Variants in POU2F1 observed in about 807,000 individuals in gnomAD.
POU2F1 encodes POU domain, class 2, transcription factor 1.
A neutral mutation model predicts 84.9 loss-of-function variants in POU2F1; 16 were observed. The ratio of observed to expected loss-of-function variants is 0.19; its 90% CI spans 0.13 to 0.29. The LOEUF is 0.29. Ranked by LOEUF, POU2F1 falls within the 10% of genes least tolerant of loss-of-function variation. The pLI, the probability that POU2F1 is intolerant of heterozygous loss-of-function variation, is 1.00. For missense variants in POU2F1, 738 were observed against 942.6 expected, an observed-to-expected ratio of 0.78 and a Z score of 2.84; for synonymous variants, 368 against 368.3, an observed-to-expected ratio of 1.00 and a Z score of 0.01.
intron 1 of POU2F1, among the ~76,000 whole-genome samples, chr1:167,225,891 A>T (rs1324811998): frequency 6.6e-6 from 1 of 152,226 alleles, no homozygotes; most frequent in Non-Finnish European, 1.5e-5. Context: ...TTCAAGCACC[A>T]TTAAAAATAA....
intron 2 of POU2F1, among the ~76,000 whole-genome samples, chr1:167,364,581 C>CT (rs745794975): frequency 0.024 from 2,937 of 120,768 alleles, 125 homozygotes; most frequent in African/African-American, 0.079. Flanking sequence ...TTCTTTCTTT[C>CT]TTTTTTTTTT....
intron 1 of POU2F1, among the ~76,000 whole-genome samples, chr1:167,278,680 C>T (rs554998650): frequency 3.8e-4 from 58 of 152,240 alleles, no homozygotes; most frequent in Non-Finnish European, 7.6e-4. Context: ...TTTTACCTGT[C>T]CTGACAAGTC....
At chr1:167,354,228 A>G (rs1234119888) in intron 2 of POU2F1, among the ~76,000 whole-genome samples, 1 of 152,208 alleles carries the variant, frequency 6.6e-6, no homozygotes, top group Admixed American at 6.5e-5. Flanking sequence ...ATGGCTATAA[A>G]TGACTTTGTA....
intron 8 of POU2F1, 21 bp from the exon 9 acceptor site, chr1:167,389,567 G>A: frequency 6.2e-7 from 1 of 1,613,486 alleles, no homozygotes; most frequent in African/African-American, 1.3e-5. Flanking sequence ...TTTCCTCATT[G>A]TTTTATTCTT....
chr1:167,426,655 T>C lies in POU2F1; in HGVS notation c.*10845T>C, dbSNP rs1650969930. ...TTAATTCAGGGGTGTTTGTCCACTGTTGTCAAAGGAGGGGCACAAGGGGAA... is the reference window on the plus strand; with the variant it reads ...TTAATTCAGGGGTGTTTGTCCACTGCTGTCAAAGGAGGGGCACAAGGGGAA... On this transcript the variant is annotated 3_prime_UTR_variant, in exon 16 of 16. Coordinates refer to ENST00000367866, the MANE Select transcript of POU2F1 (RefSeq NM_002697.4). 1 of 152,206 alleles carries C rather than the reference T, an allele frequency of 6.6e-6. No homozygotes were observed. Among genetic ancestry groups the C allele is most frequent in the South Asian group, 2.1e-4 (1 of 4,828 alleles). 9.4% of individuals were successfully genotyped at this position (152,206 alleles called of 1,614,324 possible).
Position 167,419,487 on chromosome 1 carries a change from C to G in POU2F1, c.*3677C>G, listed in dbSNP as rs1273728652. ...AGTGGTGAATGTAATTGTGTGAATC[C>G]TGCTTATCACAAGTGGTGCAATTTG... On this transcript the variant is annotated 3_prime_UTR_variant, in exon 16 of 16. Transcript: ENST00000367866. The G allele has an allele frequency of 6.6e-6, 1 of 152,144 alleles. No homozygotes were observed. Among genetic ancestry groups the G allele is most frequent in the African/African-American group, 2.4e-5 (1 of 41,412 alleles). The allele number at this position is 152,144 out of a possible 1,614,324, so 9.4% of individuals were successfully genotyped here. A position where few individuals can be genotyped will look rare whatever the true frequency, so the allele number is the denominator to read the frequency against.
At chr1:167,299,897 A>G (rs551894669) in intron 1 of POU2F1, among the ~76,000 whole-genome samples, 3 of 152,252 alleles carry the variant, frequency 2.0e-5, no homozygotes, top group South Asian at 4.1e-4. Context: ...GGTGTGAGGT[A>G]GGGGCCAAAA....
chr1:167,315,430 C>A (rs937443783), intron 1 of POU2F1, among the ~76,000 whole-genome samples: 1 of 152,006 alleles, frequency 6.6e-6, no homozygotes, highest in Non-Finnish European at 1.5e-5. Context: ...ATTTTAATAA[C>A]CTAAAACTTA....
chr1:167,226,212 A>G (rs2102326987), intron 1 of POU2F1, among the ~76,000 whole-genome samples: 1 of 152,290 alleles, frequency 6.6e-6, no homozygotes, highest in Non-Finnish European at 1.5e-5. Flanking sequence ...TGATTCAGTG[A>G]CATATCTGCT....
chr1:167,370,114 A>G (rs1659915830), intron 3 of POU2F1, 47 bp from the exon 4 acceptor site: 2 of 1,496,052 alleles, frequency 1.3e-6, no homozygotes, highest in African/African-American at 1.4e-5. Flanking sequence ...ACCCCTTGTG[A>G]TGAATGTCAA....
chr1:167,354,239 CT>C (rs1235988749), intron 2 of POU2F1, among the ~76,000 whole-genome samples: 1 of 152,122 alleles, frequency 6.6e-6, no homozygotes, highest in Non-Finnish European at 1.5e-5. Context: ...TGACTTTGTA[CT>C]TATCTCTTGA....
At chr1:167,316,123 T>C (rs914205156) in intron 1 of POU2F1, among the ~76,000 whole-genome samples, 3 of 152,264 alleles carry the variant, frequency 2.0e-5, no homozygotes, top group Non-Finnish European at 2.9e-5. Context: ...ACGGAATTCT[T>C]TGTGATGAAA....
intron 12 of POU2F1, among the ~76,000 whole-genome samples, chr1:167,400,790 A>G (rs1649151136): frequency 6.6e-6 from 1 of 152,220 alleles, no homozygotes; most frequent in Non-Finnish European, 1.5e-5. Context: ...TTTGAATGTC[A>G]TTCCATACTG....
chr1:167,237,848 C>T (rs146355614), intron 1 of POU2F1, among the ~76,000 whole-genome samples: 99 of 130,086 alleles, frequency 7.6e-4, no homozygotes, highest in Admixed American at 1.7e-3. Flanking sequence ...GGCGTGATCT[C>T]GGCTCACTTC....
intron 1 of POU2F1, among the ~76,000 whole-genome samples, chr1:167,310,439 A>G (rs1655386720): frequency 6.6e-6 from 1 of 152,148 alleles, no homozygotes; most frequent in Non-Finnish European, 1.5e-5. Context: ...ACCTAAAACC[A>G]AATGACACAG....
chr1:167,389,558 T>C (rs1394248807), intron 8 of POU2F1, 30 bp from the exon 9 acceptor site: 1 of 1,612,470 alleles, frequency 6.2e-7, no homozygotes, highest in African/African-American at 1.3e-5. Flanking sequence ...TCACGTGTTT[T>C]TCCTCATTGT....
intron 2 of POU2F1, among the ~76,000 whole-genome samples, chr1:167,358,715 G>GATTTTTTTTTTTTTT (rs1557923742): frequency 4.8e-5 from 2 of 41,584 alleles, no homozygotes; most frequent in African/African-American, 1.6e-4. Flanking sequence ...ATTATCTGCA[G>GATTTTTTTTTTTTTT]CTTTTTTTTT....
chr1:167,272,479 A>T (rs1335702538), intron 1 of POU2F1, among the ~76,000 whole-genome samples: 3 of 152,030 alleles, frequency 2.0e-5, no homozygotes, highest in Non-Finnish European at 4.4e-5. Flanking sequence ...ATTTATAAAG[A>T]AAAGAGGTTT....
In POU2F1 at chr1:167,423,224, A is replaced by G. The variant is rs2101969043; in HGVS notation, c.*7414A>G. The G allele has an allele frequency of 6.6e-6, 1 of 152,288 alleles. No individual in the cohort carries two copies. Among genetic ancestry groups the G allele is most frequent in the East Asian group, 1.9e-4 (1 of 5,192 alleles). The allele number at this position is 152,288 out of a possible 1,614,324, so 9.4% of individuals were successfully genotyped here. A position where few individuals can be genotyped will look rare whatever the true frequency, so the allele number is the denominator to read the frequency against. The stretch of plus-strand genomic sequence containing the variant: ...CTCTCCTATAAATGTTTTGTTCCAA[A>G]TGTTTTTATATATGGGCTCTAGGGA... On this transcript the variant is annotated 3_prime_UTR_variant, in exon 16 of 16. Coordinates refer to ENST00000367866, the MANE Select transcript of POU2F1 (RefSeq NM_002697.4).
Sources: gnomAD v4.1 joint callset for allele counts (sites outside exome capture counted in the v4.1 genomes callset) on GRCh38, gnomAD v4.1.1 for gene constraint, MANE v1.5 for transcripts, NCBI Gene and HGNC (gene_info 2026-07-23, HGNC 2026-07-21) for gene names.